C1QTNF3: variants seen among roughly 807,000 people sequenced by gnomAD.
The protein encoded by C1QTNF3 is complement C1q tumor necrosis factor-related protein 3.
C1QTNF3 carries 26 observed loss-of-function variants against 32.6 expected under a neutral mutation model. The ratio of observed to expected loss-of-function variants is 0.80; its 90% CI spans 0.58 to 1.11. C1QTNF3 has a LOEUF of 1.11. Ranked by LOEUF, C1QTNF3 falls within the 50% of genes least tolerant of loss-of-function variation. The pLI is 0.00. For synonymous variants in C1QTNF3, 155 were observed against 146.0 expected, an observed-to-expected ratio of 1.06 and a Z score of -0.44; for missense variants, 362 against 398.2, an observed-to-expected ratio of 0.91 and a Z score of 0.77.
the C1QTNF3 span, among the ~76,000 whole-genome samples, chr5:34,212,891 C>G: frequency 6.6e-6 from 1 of 151,174 alleles, no homozygotes; most frequent in African/African-American, 2.4e-5. Context: ...TTGACCCAGC[C>G]ATCCCATTAC....
At chr5:34,243,544 G>C in the C1QTNF3 span, among the ~76,000 whole-genome samples, 1 of 152,238 alleles carries the variant, frequency 6.6e-6, no homozygotes, top group Non-Finnish European at 1.5e-5. Flanking sequence ...ATTCACAATA[G>C]CACAGACACG....
chr5:34,171,223 A>G, the C1QTNF3 span, among the ~76,000 whole-genome samples: 1 of 152,068 alleles, frequency 6.6e-6, no homozygotes, highest in African/African-American at 2.4e-5. Context: ...TTCCACCGAG[A>G]TATTTTCATT....
chr5:34,033,224 C>A, intron 3 of C1QTNF3, 80 bp downstream of exon 3: 2 of 1,476,664 alleles, frequency 1.4e-6, no homozygotes. Flanking sequence ...CTTGAGGAAG[C>A]GCTCGAACAT....
At chr5:34,091,510 ATGT>A in the C1QTNF3 span, among the ~76,000 whole-genome samples, 13 of 152,234 alleles carry the variant, frequency 8.5e-5, no homozygotes, top group Non-Finnish European at 1.3e-4. Flanking sequence ...AAAAAAACTA[ATGT>A]TGTCTTTATT....
chr5:34,044,628 CA>C (rs990485269), upstream of C1QTNF3, among the ~76,000 whole-genome samples: 1 of 152,174 alleles, frequency 6.6e-6, no homozygotes, highest in African/African-American at 2.4e-5. Context: ...CAGCCGCTTC[CA>C]GAGTCCACAC....
chr5:34,036,859 G>T (rs1032191643), intron 1 of C1QTNF3, among the ~76,000 whole-genome samples: 1 of 152,234 alleles, frequency 6.6e-6, no homozygotes, highest in African/African-American at 2.4e-5. Flanking sequence ...GGCTGAGGCA[G>T]GAGAATCACT....
chr5:34,073,341 A>C, the C1QTNF3 span, among the ~76,000 whole-genome samples: 2 of 152,178 alleles, frequency 1.3e-5, no homozygotes, highest in Non-Finnish European at 2.9e-5. Context: ...AAAAAAAAAA[A>C]AGTAATTGTA....
At chr5:34,077,650 A>G in the C1QTNF3 span, among the ~76,000 whole-genome samples, 2 of 151,732 alleles carry the variant, frequency 1.3e-5, no homozygotes, top group East Asian at 3.9e-4. Context: ...AATGACTATT[A>G]TGACTAATAG....
chr5:34,117,075 T>C, the C1QTNF3 span, among the ~76,000 whole-genome samples: 1 of 152,092 alleles, frequency 6.6e-6, no homozygotes, highest in Non-Finnish European at 1.5e-5. Context: ...CTTTTAATTA[T>C]ATTGTTTAAT....
the C1QTNF3 span, among the ~76,000 whole-genome samples, chr5:34,224,288 T>C: frequency 6.6e-6 from 1 of 152,130 alleles, no homozygotes; most frequent in Non-Finnish European, 1.5e-5. Context: ...CTTCACAGAA[T>C]TGGAAATAAC....
rs771905676 is a variant in C1QTNF3, at chr5:34,042,890, A to G, written c.236T>C (p.Leu79Pro). The G allele has an allele frequency of 3.7e-6, 6 of 1,614,158 alleles. No homozygotes were observed. In the Admixed American group the frequency reaches 8.3e-5, roughly 22 times the overall value. The change falls in exon 1 of 6, where the codon CTG becomes CCG. Residue 79 changes from leucine (L) to proline (P), a missense_variant. Transcript: ENST00000382065. Reference sequence around the variant, plus strand: ...GGGGTGCGGTAGCTCATCTGGTCTCAGGGATTTTAGGTCTGTAGAAGTGTT... The same window carrying G: ...GGGGTGCGGTAGCTCATCTGGTCTCGGGGATTTTAGGTCTGTAGAAGTGTT... The part of the protein sequence containing the change: ...DNNTSTDLKS[L>P]RPDELPHPEV...
At chr5:34,066,542 G>T in the C1QTNF3 span, among the ~76,000 whole-genome samples, 4 of 151,844 alleles carry the variant, frequency 2.6e-5, no homozygotes, top group African/African-American at 4.8e-5. Context: ...AAATAAATTG[G>T]CACGTTTATT....
the C1QTNF3 span, among the ~76,000 whole-genome samples, chr5:34,129,775 A>G: frequency 1.3e-5 from 2 of 151,852 alleles, no homozygotes; most frequent in Non-Finnish European, 2.9e-5. Flanking sequence ...GGGTCTTCTA[A>G]TAACAACCTC....
At chr5:34,157,554 C>T in the C1QTNF3 span, among the ~76,000 whole-genome samples, 100 of 152,266 alleles carry the variant, frequency 6.6e-4, no homozygotes, top group African/African-American at 2.4e-3. Flanking sequence ...AAATTATCCT[C>T]GTTATTCTGT....
the C1QTNF3 span, among the ~76,000 whole-genome samples, chr5:34,156,793 A>C: frequency 6.6e-6 from 1 of 152,218 alleles, no homozygotes; most frequent in African/African-American, 2.4e-5. Flanking sequence ...GAGAAAAAAT[A>C]TGGAATATAT....
At chr5:34,233,798 A>C in the C1QTNF3 span, among the ~76,000 whole-genome samples, 1 of 152,142 alleles carries the variant, frequency 6.6e-6, no homozygotes, top group African/African-American at 2.4e-5. Context: ...GAATAGGTGA[A>C]TTAATTTCAA....
chr5:34,026,222 G>C (rs937177512), intron 4 of C1QTNF3, among the ~76,000 whole-genome samples: 4 of 152,196 alleles, frequency 2.6e-5, no homozygotes, highest in Non-Finnish European at 5.9e-5. Flanking sequence ...GAGTCATGTG[G>C]AGATAACACG....
chr5:34,201,737 A>G, the C1QTNF3 span, among the ~76,000 whole-genome samples: 13 of 152,304 alleles, frequency 8.5e-5, no homozygotes, highest in African/African-American at 3.1e-4. Context: ...TTTAAGTGCT[A>G]TATTTTTCCA....
At chr5:34,174,278 C>T in the C1QTNF3 span, among the ~76,000 whole-genome samples, 2 of 152,170 alleles carry the variant, frequency 1.3e-5, no homozygotes, top group East Asian at 1.9e-4. Context: ...AGGCTGCTCT[C>T]GAACTCCTGA....
Sources: gnomAD v4.1 joint callset for allele counts (sites outside exome capture counted in the v4.1 genomes callset) on GRCh38, gnomAD v4.1.1 for gene constraint, MANE v1.5 for transcripts, NCBI Gene and HGNC (gene_info 2026-07-23, HGNC 2026-07-21) for gene names.